The following NCAM2 variants were observed in gnomAD, a reference collection of about 807,000 sequenced individuals.
NCAM2 encodes the protein N-CAM-2.
NCAM2 carries 30 observed loss-of-function variants against 98.1 expected under a neutral mutation model. The ratio of observed to expected loss-of-function variants is 0.31; its 90% CI spans 0.23 to 0.41. NCAM2 has a LOEUF of 0.41. NCAM2 is among the 10% of genes least tolerant of loss of function. The pLI is 1.00. For synonymous variants in NCAM2, 368 were observed against 342.4 expected, an observed-to-expected ratio of 1.07 and a Z score of -0.83; for missense variants, 867 against 1,005.8, an observed-to-expected ratio of 0.86 and a Z score of 1.87.
chr21:21,245,469 A>T (rs2071229064), intron 1 of NCAM2, among the ~76,000 whole-genome samples: 1 of 152,082 alleles, frequency 6.6e-6, no homozygotes, highest in Non-Finnish European at 1.5e-5. Flanking sequence ...TGTACATGGG[A>T]AGTTGTTTTC....
At chr21:21,416,852 G>A (rs1236548872) in intron 10 of NCAM2, among the ~76,000 whole-genome samples, 1 of 152,004 alleles carries the variant, frequency 6.6e-6, no homozygotes, top group African/African-American at 2.4e-5. Context: ...ATAAGCTTCA[G>A]GGTACATGAT....
intron 1 of NCAM2, among the ~76,000 whole-genome samples, chr21:21,103,629 T>G (rs1267650307): frequency 6.6e-6 from 1 of 152,086 alleles, no homozygotes; most frequent in South Asian, 2.1e-4. Context: ...TACTTTTATA[T>G]GTGTGTTGCA....
chr21:21,034,240 A>G (rs958622295), intron 1 of NCAM2, among the ~76,000 whole-genome samples: 9 of 152,160 alleles, frequency 5.9e-5, no homozygotes, highest in African/African-American at 1.4e-4. Context: ...AATCGTCTCT[A>G]TATGGTGTAA....
At chr21:21,143,804 G>GGT in intron 1 of NCAM2, among the ~76,000 whole-genome samples, 1 of 123,444 alleles carries the variant, frequency 8.1e-6, no homozygotes, top group East Asian at 2.3e-4. Flanking sequence ...TTTTTAGGAA[G>GGT]TTTTTTTTTT....
chr21:21,219,894 T>C (rs929879735), intron 1 of NCAM2, among the ~76,000 whole-genome samples: 5 of 152,130 alleles, frequency 3.3e-5, no homozygotes, highest in Non-Finnish European at 4.4e-5. Flanking sequence ...CCTAGGCTAA[T>C]GTATGTGTTT....
intron 1 of NCAM2, among the ~76,000 whole-genome samples, chr21:21,087,210 A>C (rs2065922354): frequency 6.6e-6 from 1 of 152,008 alleles, no homozygotes; most frequent in Non-Finnish European, 1.5e-5. Context: ...CCTAGGATTT[A>C]TGTTATGTTG....
intron 1 of NCAM2, among the ~76,000 whole-genome samples, chr21:21,092,227 A>T (rs1273948504): frequency 1.3e-5 from 2 of 152,096 alleles, no homozygotes; most frequent in Non-Finnish European, 2.9e-5. Flanking sequence ...AGCTTTGTTA[A>T]ACAGTTTTAT....
chr21:21,500,612 T>C (rs545075283), intron 15 of NCAM2, among the ~76,000 whole-genome samples: 1 of 152,246 alleles, frequency 6.6e-6, no homozygotes, highest in South Asian at 2.1e-4. Flanking sequence ...TATATAAAGA[T>C]AAATATTTTG....
intron 12 of NCAM2, among the ~76,000 whole-genome samples, chr21:21,461,912 G>C (rs922268824): frequency 6.6e-6 from 1 of 151,892 alleles, no homozygotes; most frequent in Non-Finnish European, 1.5e-5. Context: ...TGTGGAGCTG[G>C]CATCAAAGTA....
chr21:21,410,737 A>G (rs2076840076), intron 10 of NCAM2, among the ~76,000 whole-genome samples: 1 of 151,482 alleles, frequency 6.6e-6, no homozygotes, highest in Non-Finnish European at 1.5e-5. Flanking sequence ...GGCCGGGCGC[A>G]GTGGCTCACT....
intron 9 of NCAM2, among the ~76,000 whole-genome samples, chr21:21,407,296 G>A (rs1282009157): frequency 7.2e-5 from 11 of 152,104 alleles, no homozygotes; most frequent in Non-Finnish European, 1.6e-4. Context: ...TTTTATTATA[G>A]ACCGGCGTTA....
intron 1 of NCAM2, among the ~76,000 whole-genome samples, chr21:21,183,113 A>G (rs1601588739): frequency 1.3e-5 from 2 of 152,288 alleles, no homozygotes; most frequent in East Asian, 3.9e-4. Flanking sequence ...AGAAGTTACT[A>G]AATCTTAGGC....
chr21:21,071,153 T>C (rs1040016872), intron 1 of NCAM2, among the ~76,000 whole-genome samples: 4 of 152,154 alleles, frequency 2.6e-5, no homozygotes, highest in Non-Finnish European at 5.9e-5. Context: ...GATATACTAA[T>C]TCCTATGAGT....
intron 16 of NCAM2, among the ~76,000 whole-genome samples, chr21:21,520,756 G>C (rs1988970735): frequency 6.6e-6 from 1 of 152,122 alleles, no homozygotes; most frequent in Non-Finnish European, 1.5e-5. Context: ...CAACTTATCA[G>C]AGCAGAAACC....
intron 1 of NCAM2, among the ~76,000 whole-genome samples, chr21:21,263,208 A>C (rs1400885406): frequency 1.3e-5 from 2 of 152,274 alleles, no homozygotes; most frequent in East Asian, 3.9e-4. Context: ...CTATATGCCA[A>C]CAATGCTGAA....
At chr21:21,088,921 A>G (rs893050002) in intron 1 of NCAM2, among the ~76,000 whole-genome samples, 5 of 151,416 alleles carry the variant, frequency 3.3e-5, no homozygotes, top group African/African-American at 1.2e-4. Context: ...GCAGTGAGCT[A>G]GATTGCGCCA....
intron 15 of NCAM2, among the ~76,000 whole-genome samples, chr21:21,505,875 G>A (rs906122560): frequency 6.6e-6 from 1 of 151,850 alleles, no homozygotes; most frequent in African/African-American, 2.4e-5. Context: ...CAACAAACTT[G>A]TGACCTATTT....
chr21:21,429,011 T>C (rs2077272673), intron 11 of NCAM2, among the ~76,000 whole-genome samples: 1 of 152,184 alleles, frequency 6.6e-6, no homozygotes. Flanking sequence ...ACTTACAATT[T>C]AGTAGTCAGT....
chr21:21,474,190 A>G (rs1263123512), intron 14 of NCAM2, among the ~76,000 whole-genome samples: 2 of 151,988 alleles, frequency 1.3e-5, no homozygotes, highest in Admixed American at 6.6e-5. Context: ...CCTATTCCCT[A>G]GGAATAGCAA....
Sources: gnomAD v4.1 joint callset for allele counts (sites outside exome capture counted in the v4.1 genomes callset) on GRCh38, gnomAD v4.1.1 for gene constraint, MANE v1.5 for transcripts, NCBI Gene and HGNC (gene_info 2026-07-23, HGNC 2026-07-21) for gene names.